ARHGAP15: variants seen among roughly 807,000 people sequenced by gnomAD.
ARHGAP15 encodes Rho GTPase activating protein 15, also known as rho GTPase-activating protein 15.
ARHGAP15 carries 51 observed loss-of-function variants against 63.7 expected under a neutral mutation model. The observed-to-expected ratio is 0.80, with a 90% CI of 0.64 to 1.01. The LOEUF (loss-of-function observed/expected upper bound fraction) is 1.01. Ranked by LOEUF, ARHGAP15 falls within the 50% of genes least tolerant of loss-of-function variation. ARHGAP15 has a pLI of 0.00. For synonymous variants in ARHGAP15, 191 were observed against 193.8 expected (o/e 0.99, Z 0.12); for missense variants, 560 against 564.6 (o/e 0.99, Z 0.08).
At chr2:143,177,527 A>G (rs187418468) in intron 2 of ARHGAP15, among the ~76,000 whole-genome samples, 10 of 152,332 alleles carry the variant, frequency 6.6e-5, no homozygotes, top group Admixed American at 6.5e-4. Flanking sequence ...TTTCGATTGC[A>G]TACTCATTTG....
intron 8 of ARHGAP15, among the ~76,000 whole-genome samples, chr2:143,451,218 A>G (rs574146834): frequency 1.3e-5 from 2 of 152,104 alleles, no homozygotes; most frequent in Admixed American, 6.6e-5. Context: ...ACAAAATGTC[A>G]GTCTTCAAAT....
At chr2:143,354,228 C>T (rs952476682) in intron 6 of ARHGAP15, among the ~76,000 whole-genome samples, 1 of 152,104 alleles carries the variant, frequency 6.6e-6, no homozygotes. Flanking sequence ...TGCAGCTCCT[C>T]CCTCCAAGGA....
chr2:143,509,097 G>A (rs139149577), intron 9 of ARHGAP15, among the ~76,000 whole-genome samples: 8 of 152,262 alleles, frequency 5.3e-5, no homozygotes, highest in South Asian at 4.1e-4. Flanking sequence ...CAGCAACTCC[G>A]CTATCCTTGT....
intron 6 of ARHGAP15, among the ~76,000 whole-genome samples, chr2:143,316,662 C>CCTAATTCTGGCTA (rs1265024289): frequency 2.1e-5 from 3 of 143,216 alleles, no homozygotes; most frequent in African/African-American, 8.8e-5. Context: ...GAGTCAAAGT[C>CCTAATTCTGGCTA]CTAATTCTGG....
At chr2:143,529,504 A>G (rs924458582) in intron 10 of ARHGAP15, among the ~76,000 whole-genome samples, 5 of 152,092 alleles carry the variant, frequency 3.3e-5, no homozygotes, top group African/African-American at 1.2e-4. Flanking sequence ...GAATCCTCCA[A>G]TGATTCATTG....
chr2:143,345,590 C>T (rs1481355957), intron 6 of ARHGAP15, among the ~76,000 whole-genome samples: 19 of 152,000 alleles, frequency 1.3e-4, no homozygotes, highest in Admixed American at 9.2e-4. Context: ...TTGGCACTAA[C>T]ATAATGGTGT....
chr2:143,388,420 G>T (rs1389977237), intron 6 of ARHGAP15, among the ~76,000 whole-genome samples: 1 of 152,140 alleles, frequency 6.6e-6, no homozygotes, highest in Non-Finnish European at 1.5e-5. Context: ...CACTGAATTG[G>T]CACTCTAACG....
At chr2:143,353,672 C>T (rs1391049930) in intron 6 of ARHGAP15, among the ~76,000 whole-genome samples, 2 of 152,064 alleles carry the variant, frequency 1.3e-5, no homozygotes, top group Non-Finnish European at 2.9e-5. Flanking sequence ...CTTCTCATTC[C>T]AGGGTTCTAA....
intron 6 of ARHGAP15, among the ~76,000 whole-genome samples, chr2:143,377,785 G>A (rs1558930835): frequency 6.6e-6 from 1 of 152,020 alleles, no homozygotes; most frequent in Admixed American, 6.6e-5. Context: ...GTTCCTGATT[G>A]AGTATACATC....
chr2:143,750,224 G>A (rs932191828), intron 13 of ARHGAP15, among the ~76,000 whole-genome samples: 8 of 152,226 alleles, frequency 5.3e-5, no homozygotes, highest in Non-Finnish European at 8.8e-5. Flanking sequence ...CAGATCACCT[G>A]AGGTCAGGAG....
At chr2:143,463,726 A>G (rs1039813472) in intron 8 of ARHGAP15, among the ~76,000 whole-genome samples, 1 of 152,156 alleles carries the variant, frequency 6.6e-6, no homozygotes, top group Non-Finnish European at 1.5e-5. Context: ...TGCCTTTTGT[A>G]AAATAATATA....
chr2:143,279,414 T>C (rs745758878), intron 6 of ARHGAP15, among the ~76,000 whole-genome samples: 6 of 152,132 alleles, frequency 3.9e-5, no homozygotes, highest in Middle Eastern at 3.2e-3. Context: ...TGGAATCTGG[T>C]TGCAATATTT....
intron 10 of ARHGAP15, among the ~76,000 whole-genome samples, chr2:143,552,838 T>C (rs1356158579): frequency 4.6e-5 from 7 of 152,184 alleles, no homozygotes; most frequent in Admixed American, 4.6e-4. Context: ...TTTACGGTCA[T>C]GTTACTTTCT....
chr2:143,590,337 AG>A (rs1283271135), intron 11 of ARHGAP15, among the ~76,000 whole-genome samples: 3 of 152,190 alleles, frequency 2.0e-5, no homozygotes, highest in Non-Finnish European at 4.4e-5. Flanking sequence ...TACAGCACAA[AG>A]CTACCTTGTT....
intron 6 of ARHGAP15, among the ~76,000 whole-genome samples, chr2:143,368,112 G>A (rs2105350463): frequency 6.6e-6 from 1 of 152,040 alleles, no homozygotes; most frequent in East Asian, 1.9e-4. Context: ...TATAATAAAG[G>A]ACACATTTAA....
intron 12 of ARHGAP15, among the ~76,000 whole-genome samples, chr2:143,646,431 C>A (rs377008752): frequency 1.3e-5 from 2 of 152,130 alleles, no homozygotes. Context: ...GACTGTCTGA[C>A]GCCTTTATAA....
chr2:143,235,494 C>T (rs748581957), intron 5 of ARHGAP15, among the ~76,000 whole-genome samples: 47 of 152,172 alleles, frequency 3.1e-4, no homozygotes, highest in Non-Finnish European at 5.9e-4. Context: ...AGTTTCATGG[C>T]CTGAGATTTG....
At chr2:143,425,394 TATA>T (rs1379352378) in intron 6 of ARHGAP15, among the ~76,000 whole-genome samples, 1 of 151,902 alleles carries the variant, frequency 6.6e-6, no homozygotes, top group African/African-American at 2.4e-5. Context: ...TATTACATAT[TATA>T]TATAACTTTA....
At chr2:143,144,291 A>G (rs60289175) in intron 1 of ARHGAP15, among the ~76,000 whole-genome samples, 55,388 of 151,814 alleles carry the variant, frequency 0.36, 11,839 homozygotes, top group East Asian at 0.64. Flanking sequence ...TTGCTGGGTC[A>G]AATGGTATTT....
Sources: allele counts gnomAD v4.1 joint callset (sites outside exome capture counted in the v4.1 genomes callset), GRCh38; gene constraint gnomAD v4.1.1; transcripts MANE v1.5; gene names NCBI Gene and HGNC (gene_info 2026-07-23, HGNC 2026-07-21).